ZNF438: variants seen among roughly 807,000 people sequenced by gnomAD.
The protein encoded by ZNF438 is zinc finger protein 438.
A neutral mutation model predicts 38.0 loss-of-function variants in ZNF438; 25 were observed. The observed-to-expected ratio is 0.66, with a 90% confidence interval of 0.48 to 0.92. The LOEUF (loss-of-function observed/expected upper bound fraction) is 0.92. ZNF438 is among the 40% of genes least tolerant of loss of function. ZNF438 has a pLI of 0.00. For synonymous variants in ZNF438, 372 were observed against 364.1 expected, an observed-to-expected ratio of 1.02 and a Z score of -0.25; for missense variants, 1,007 against 999.6, an observed-to-expected ratio of 1.01 and a Z score of -0.10.
intron 1 of ZNF438, among the ~76,000 whole-genome samples, chr10:30,988,301 GA>G (rs1042345265): frequency 6.6e-6 from 1 of 151,690 alleles, no homozygotes; most frequent in Non-Finnish European, 1.5e-5. Flanking sequence ...ACAGTAACTT[GA>G]AAAAAATCAA....
rs375843003 is a variant in ZNF438 at position 30,941,272 on chromosome 10, T to C, written c.-115+303A>G. On this transcript the variant is annotated intron_variant, in intron 2 of 5. Coordinates refer to ENST00000413025, the Ensembl canonical transcript of ZNF438. ...GTTTTAGTAGAGAAGAGGTTTCACCTTGTTGGTCAGGCTGGTCTCGAAATC... is the reference window on the plus strand; with the variant it reads ...GTTTTAGTAGAGAAGAGGTTTCACCCTGTTGGTCAGGCTGGTCTCGAAATC... 5.3e-5 allele frequency among the ~76,000 whole-genome samples: 8 copies of C among 152,234 alleles called. No individual in the cohort carries two copies. In the East Asian group the frequency reaches 9.7e-4, roughly 18 times the overall value.
At chr10:30,888,919 T>C (rs2040320155) in intron 3 of ZNF438, among the ~76,000 whole-genome samples, 1 of 152,230 alleles carries the variant, frequency 6.6e-6, no homozygotes, top group Non-Finnish European at 1.5e-5. Flanking sequence ...CCAATTGTAG[T>C]TCTATTTTTA....
At chr10:30,883,438 T>C (rs141774101) in intron 3 of ZNF438, among the ~76,000 whole-genome samples, 5 of 152,294 alleles carry the variant, frequency 3.3e-5, no homozygotes, top group African/African-American at 1.2e-4. Flanking sequence ...TTTAAAGAAA[T>C]GTTAAGGGTG....
chr10:31,017,836 C>T (rs758677026), intron 1 of ZNF438, among the ~76,000 whole-genome samples: 3 of 152,206 alleles, frequency 2.0e-5, no homozygotes, highest in Non-Finnish European at 4.4e-5. Context: ...AAAAGTAACA[C>T]GTACCACTTC....
intron 3 of ZNF438, among the ~76,000 whole-genome samples, chr10:30,903,029 G>C (rs1414417401): frequency 2.0e-5 from 3 of 152,238 alleles, no homozygotes; most frequent in African/African-American, 7.2e-5. Context: ...CTCCGCAGCT[G>C]CTGGCCCAGG....
intron 2 of ZNF438, among the ~76,000 whole-genome samples, chr10:30,911,097 T>C (rs150838757): frequency 1.3e-5 from 2 of 152,256 alleles, no homozygotes; most frequent in East Asian, 1.9e-4. Flanking sequence ...TCTTGGCACA[T>C]TAAAAAAATG....
chr10:30,994,782 G>A (rs2053878936), intron 1 of ZNF438, among the ~76,000 whole-genome samples: 1 of 152,186 alleles, frequency 6.6e-6, no homozygotes, highest in Non-Finnish European at 1.5e-5. Context: ...TGTACCTCCA[G>A]CATCTTGGGA....
Position 30,845,364 on chromosome 10 carries a change from T to A in ZNF438, c.2084A>T (p.Gln695Leu), listed in dbSNP as rs140289733. 5.8e-5 allele frequency: 94 copies of A among 1,614,088 alleles called. 1 individual carries two copies. In the African/African-American group the frequency reaches 1.1e-3, roughly 19 times the overall value. ...CCTTTTCCAGTCGGGGCTAGCGTGC[T>A]GCACCAACTCTTCCTGAGTCCCCTT... Residue 695 changes from glutamine (Q) to leucine (L), a missense_variant, in exon 6 of 6, where the codon CAG becomes CTG. Gln to Leu is a moderately radical substitution (Grantham distance 113, BLOSUM62 -2). Coordinates refer to ENST00000413025, the Ensembl canonical transcript of ZNF438.
At chr10:31,021,572 TCA>T (rs2056597372) in intron 1 of ZNF438, among the ~76,000 whole-genome samples, 1 of 150,582 alleles carries the variant, frequency 6.6e-6, no homozygotes. Context: ...TGGACATTTC[TCA>T]CTTTGTTTTT....
chr10:31,013,296 G>A (rs1387303486), intron 1 of ZNF438, among the ~76,000 whole-genome samples: 1 of 151,874 alleles, frequency 6.6e-6, no homozygotes, highest in African/African-American at 2.4e-5. Context: ...TCCAGCCTGG[G>A]CGACAGAGCG....
intron 4 of ZNF438, among the ~76,000 whole-genome samples, chr10:30,864,949 T>C (rs972338728): frequency 3.9e-5 from 6 of 152,224 alleles, no homozygotes; most frequent in African/African-American, 9.6e-5. Context: ...CTCCAGTCCA[T>C]AGATGTGAAA....
At chr10:30,887,020 A>G (rs1172014960) in intron 3 of ZNF438, among the ~76,000 whole-genome samples, 2 of 152,162 alleles carry the variant, frequency 1.3e-5, no homozygotes, top group African/African-American at 4.8e-5. Context: ...GCTAATTCCT[A>G]TATATTGCAA....
At chr10:30,873,931 T>C (rs181441842) in intron 4 of ZNF438, among the ~76,000 whole-genome samples, 2 of 152,182 alleles carry the variant, frequency 1.3e-5, no homozygotes, top group East Asian at 3.9e-4. Flanking sequence ...GTTTATAAGT[T>C]GGAAATTCAA....
Position 30,984,352 on chromosome 10 carries a change from A to C in ZNF438, c.-191-42701T>G, listed in dbSNP as rs1235392959. ...AATGTTTCAGAAATCTCTCTTCAAA[A>C]AATGCTTGTCACTTACCTATATCCC... On this transcript the variant is annotated intron_variant, in intron 1 of 5. Coordinates refer to ENST00000413025, the Ensembl canonical transcript of ZNF438. The C allele has an allele frequency of 6.6e-6, 1 of 152,162 alleles. No individual in the cohort carries two copies. Among genetic ancestry groups the C allele is most frequent in the African/African-American group, 2.4e-5 (1 of 41,452 alleles). 9.4% of individuals were successfully genotyped at this position (152,162 alleles called of 1,614,324 possible). A position where few individuals can be genotyped will look rare whatever the true frequency, so the allele number is the denominator to read the frequency against.
intron 1 of ZNF438, among the ~76,000 whole-genome samples, chr10:31,009,948 A>AAGCG (rs2133051331): frequency 6.7e-6 from 1 of 149,628 alleles, no homozygotes; most frequent in Admixed American, 6.7e-5. Context: ...TCCCAAGTTC[A>AAGCG]AGCGATTCTC....
chr10:30,901,900 G>GTGAA (rs2042037226), intron 3 of ZNF438, among the ~76,000 whole-genome samples: 1 of 152,148 alleles, frequency 6.6e-6, no homozygotes. Flanking sequence ...TGGCTCAGGA[G>GTGAA]TGAAGCTACA....
intron 1 of ZNF438, among the ~76,000 whole-genome samples, chr10:30,994,331 C>G (rs574183913): frequency 5.8e-4 from 88 of 152,284 alleles, no homozygotes; most frequent in African/African-American, 2.0e-3. Flanking sequence ...GTCCTGAATG[C>G]AGAAGTATTG....
intron 1 of ZNF438, among the ~76,000 whole-genome samples, chr10:31,016,269 T>A (rs764063100): frequency 2.0e-5 from 3 of 152,228 alleles, no homozygotes; most frequent in African/African-American, 7.2e-5. Flanking sequence ...GTAAGAGCTT[T>A]ATTTCTAAAG....
intron 4 of ZNF438, among the ~76,000 whole-genome samples, chr10:30,854,361 C>A (rs912819511): frequency 6.6e-6 from 1 of 152,162 alleles, no homozygotes; most frequent in Non-Finnish European, 1.5e-5. Flanking sequence ...TGCCTGGCTT[C>A]CCTAGAATTC....
Sources: allele counts gnomAD v4.1 joint callset (sites outside exome capture counted in the v4.1 genomes callset), GRCh38; gene constraint gnomAD v4.1.1; transcripts MANE v1.5; gene names NCBI Gene and HGNC (gene_info 2026-07-23, HGNC 2026-07-21).